SLC25A21: variants seen among roughly 807,000 people sequenced by gnomAD.
SLC25A21 encodes the protein solute carrier family 25 member 21.
Under a neutral mutation model 43.8 loss-of-function variants are expected in SLC25A21, and 47 were observed. The ratio of observed to expected loss-of-function variants is 1.07; its 90% CI spans 0.85 to 1.37. SLC25A21 has a LOEUF of 1.37. Ranked by LOEUF, SLC25A21 falls within the 40% of genes most tolerant of loss-of-function variation. SLC25A21 has a pLI of 0.00. For missense variants in SLC25A21, 352 were observed against 350.2 expected (o/e 1.00, Z -0.04); for synonymous variants, 131 against 121.3 (o/e 1.08, Z -0.52).
intron 7 of SLC25A21, among the ~76,000 whole-genome samples, chr14:36,698,924 A>T (rs1297600363): frequency 6.6e-6 from 1 of 151,960 alleles, no homozygotes; most frequent in Non-Finnish European, 1.5e-5. Context: ...TCTTCTGTCA[A>T]CTCGTCAAAC....
intron 1 of SLC25A21, among the ~76,000 whole-genome samples, chr14:36,884,408 C>T (rs1303381773): frequency 6.6e-6 from 1 of 152,160 alleles, no homozygotes; most frequent in African/African-American, 2.4e-5. Flanking sequence ...CATATCTTGA[C>T]TACTGTGAAT....
At chr14:36,750,782 A>G (rs771902237) in intron 3 of SLC25A21, among the ~76,000 whole-genome samples, 1 of 152,238 alleles carries the variant, frequency 6.6e-6, no homozygotes, top group Non-Finnish European at 1.5e-5. Context: ...ACTATCTGTT[A>G]GGAAGCAGAC....
intron 2 of SLC25A21, 33 bp from the exon 3 acceptor site, chr14:36,814,034 T>G: frequency 2.0e-6 from 3 of 1,507,432 alleles, no homozygotes; most frequent in Non-Finnish European, 2.7e-6. Context: ...AATTCTAAGT[T>G]AAAGATTTTG....
chr14:37,127,131 G>T (rs541133152), intron 1 of SLC25A21, among the ~76,000 whole-genome samples: 1 of 152,106 alleles, frequency 6.6e-6, no homozygotes, highest in African/African-American at 2.4e-5. Context: ...CGTAAACAGC[G>T]CTAGGTTAGA....
At chr14:36,725,044 T>C (rs1015859955) in intron 6 of SLC25A21, 5 of 152,270 alleles carry the variant, frequency 3.3e-5, no homozygotes, top group African/African-American at 1.2e-4. Context: ...GTCCATTAGA[T>C]CTCAGTGCAT....
intron 1 of SLC25A21, among the ~76,000 whole-genome samples, chr14:36,902,416 A>T (rs895166682): frequency 6.7e-6 from 1 of 149,542 alleles, no homozygotes; most frequent in African/African-American, 2.5e-5. Context: ...GCCATTCTCT[A>T]AGGAGCGAAG....
At chr14:36,892,820 T>C (rs571604453) in intron 1 of SLC25A21, among the ~76,000 whole-genome samples, 1 of 152,236 alleles carries the variant, frequency 6.6e-6, no homozygotes, top group East Asian at 1.9e-4. Context: ...GTCCTTGCGA[T>C]AGTTTGCTGA....
chr14:36,895,352 T>C (rs1891207940), intron 1 of SLC25A21, among the ~76,000 whole-genome samples: 2 of 152,362 alleles, frequency 1.3e-5, no homozygotes, highest in East Asian at 1.9e-4. Flanking sequence ...TATTCTGTGA[T>C]GGTAGTTTGT....
At chr14:37,044,613 C>T (rs1961548812) in intron 1 of SLC25A21, among the ~76,000 whole-genome samples, 1 of 152,274 alleles carries the variant, frequency 6.6e-6, no homozygotes, top group East Asian at 1.9e-4. Context: ...AGTGATTGAT[C>T]ATTCTCTTTA....
rs151229481 is a variant in SLC25A21 at position 36,738,143 on chromosome 14, C to A, written c.204-3570G>T. 6.8e-4 allele frequency among the ~76,000 whole-genome samples: 103 copies of A among 152,248 alleles called. 1 individual carries two copies. The highest frequency in any genetic ancestry group is 4.9e-3 in the Admixed American group (75 of 15,302). On this transcript the variant is annotated intron_variant, in intron 3 of 9. Coordinates refer to ENST00000331299, the MANE Select transcript of SLC25A21 (RefSeq NM_030631.4). Reference sequence around the variant, plus strand: ...GCTTCACTCTCAGTTAAAATTTGCCCTTGAGCAGACCAGAAGAGTCACATA... The same window carrying A: ...GCTTCACTCTCAGTTAAAATTTGCCATTGAGCAGACCAGAAGAGTCACATA...
chr14:37,131,154 T>C (rs1467333690), intron 1 of SLC25A21, among the ~76,000 whole-genome samples: 2 of 152,230 alleles, frequency 1.3e-5, no homozygotes, highest in African/African-American at 2.4e-5. Flanking sequence ...ATATATATGT[T>C]ACATTTAAAT....
At chr14:36,812,111 C>A (rs1246078057) in intron 3 of SLC25A21, among the ~76,000 whole-genome samples, 1 of 151,918 alleles carries the variant, frequency 6.6e-6, no homozygotes, top group Non-Finnish European at 1.5e-5. Flanking sequence ...GTAAAGGACA[C>A]AAAATAGGCA....
At chr14:36,885,778 C>A (rs192811518) in intron 1 of SLC25A21, among the ~76,000 whole-genome samples, 2,878 of 152,226 alleles carry the variant, frequency 0.019, 90 homozygotes, top group African/African-American at 0.065. Flanking sequence ...CAGTAAACTG[C>A]AAAGCAGTGC....
At chr14:37,047,518 C>G in intron 1 of SLC25A21, among the ~76,000 whole-genome samples, 1 of 152,156 alleles carries the variant, frequency 6.6e-6, no homozygotes, top group East Asian at 1.9e-4. Context: ...GCCCCTGCTC[C>G]CCAAACCCAG....
chr14:36,724,147 A>G lies in SLC25A21; in HGVS notation c.438+1423T>C, dbSNP rs148079873. 4.6e-3 allele frequency among the ~76,000 whole-genome samples: 697 copies of G among 152,364 alleles called. 5 individuals are homozygous for G. The highest frequency in any genetic ancestry group is 0.016 in the African/African-American group (672 of 41,592). On this transcript the variant is annotated intron_variant, in intron 6 of 9. Coordinates refer to ENST00000331299, the MANE Select transcript of SLC25A21 (RefSeq NM_030631.4). The stretch of plus-strand genomic sequence containing the variant: ...AGAGTAAAGAGAAACGAAAACTAGA[A>G]TACAGAGATTTTCAACTTTTTATAA...
chr14:36,928,562 A>T (rs1651560519), intron 1 of SLC25A21, among the ~76,000 whole-genome samples: 1 of 152,186 alleles, frequency 6.6e-6, no homozygotes, highest in Non-Finnish European at 1.5e-5. Flanking sequence ...TCCACAATGC[A>T]TGCACACTTA....
chr14:37,015,147 C>T (rs1054133252), intron 1 of SLC25A21, among the ~76,000 whole-genome samples: 1 of 151,446 alleles, frequency 6.6e-6, no homozygotes, highest in Admixed American at 6.6e-5. Flanking sequence ...TCCATTAACT[C>T]GTCACTTAGC....
rs541511645 is a variant in SLC25A21 at position 37,040,443 on chromosome 14, A to G, written c.70+131838T>C. ...AGAAAGAAAGAAAGAAAGAAAGAAA[A>G]GAAAAATTAGTTACAGGGTGAGGTC... On this transcript the variant is annotated intron_variant, in intron 1 of 9. Coordinates refer to ENST00000331299, the MANE Select transcript of SLC25A21 (RefSeq NM_030631.4). Among the ~76,000 whole-genome samples the G allele has an allele frequency of 7.4e-5, 10 of 135,512 alleles. 3 individuals are homozygous for G. In the East Asian group the frequency reaches 2.1e-3, roughly 29 times the overall value. The allele number at this position is 135,512 out of a possible 152,430, so 88.9% of individuals were successfully genotyped here.
intron 3 of SLC25A21, among the ~76,000 whole-genome samples, chr14:36,735,048 G>T (rs1884977658): frequency 6.6e-6 from 1 of 152,176 alleles, no homozygotes; most frequent in South Asian, 2.1e-4. Flanking sequence ...AACAAGCTCT[G>T]TGGGTATGGT....
Sources: gnomAD v4.1 joint callset for allele counts (sites outside exome capture counted in the v4.1 genomes callset) on GRCh38, gnomAD v4.1.1 for gene constraint, MANE v1.5 for transcripts, NCBI Gene and HGNC (gene_info 2026-07-23, HGNC 2026-07-21) for gene names.